Variants in CFDP1 observed in about 807,000 individuals in gnomAD.
CFDP1 encodes heterochromatin-stabilizing protein CFDP1.
A neutral mutation model predicts 40.1 loss-of-function variants in CFDP1; 31 were observed. That is an observed-to-expected ratio of 0.77 (90% confidence interval 0.58 to 1.04). CFDP1 has a LOEUF of 1.04. Ranked by LOEUF, CFDP1 falls within the 50% of genes least tolerant of loss-of-function variation. The pLI is 0.00. For missense variants in CFDP1, 423 were observed against 343.4 expected (o/e 1.23, Z -1.83); for synonymous variants, 167 against 120.0 (o/e 1.39, Z -2.56).
intron 6 of CFDP1, among the ~76,000 whole-genome samples, chr16:75,300,336 G>A (rs977193858): frequency 1.3e-5 from 2 of 152,146 alleles, no homozygotes; most frequent in African/African-American, 2.4e-5. Context: ...TGCCTAGGCT[G>A]GAGTGCAACA....
intron 6 of CFDP1, among the ~76,000 whole-genome samples, chr16:75,295,991 C>A (rs913090766): frequency 6.6e-6 from 1 of 152,188 alleles, no homozygotes; most frequent in Non-Finnish European, 1.5e-5. Flanking sequence ...CCCAGCCCCA[C>A]CAGCCCAAGG....
intron 4 of CFDP1, among the ~76,000 whole-genome samples, chr16:75,408,050 G>A (rs558783046): frequency 6.6e-6 from 1 of 151,758 alleles, no homozygotes; most frequent in African/African-American, 2.4e-5. Flanking sequence ...GCTGTAGTGA[G>A]CTGAGATTGT....
chr16:75,401,301 G>A (rs371344784), intron 4 of CFDP1, among the ~76,000 whole-genome samples: 61 of 152,014 alleles, frequency 4.0e-4, no homozygotes, highest in African/African-American at 1.4e-3. Context: ...GGTGGCGAGC[G>A]CCTGTAGTCC....
At chr16:75,297,964 TC>T (rs2078195856) in intron 6 of CFDP1, among the ~76,000 whole-genome samples, 1 of 152,118 alleles carries the variant, frequency 6.6e-6, no homozygotes. Context: ...AAATCTGAAG[TC>T]CTCCAAAACC....
intron 5 of CFDP1, among the ~76,000 whole-genome samples, chr16:75,305,833 C>T (rs17674257): frequency 0.066 from 10,065 of 152,136 alleles, 361 homozygotes; most frequent in Middle Eastern, 0.12. Context: ...GTGAGTTGGG[C>T]CCTGTTTTTT....
intron 3 of CFDP1, 64 bp from the exon 4 acceptor site, chr16:75,412,016 T>C (rs2079167484): frequency 6.7e-7 from 1 of 1,491,336 alleles, no homozygotes; most frequent in Admixed American, 2.4e-5. Context: ...TACAGATACT[T>C]TTTATTTTTT....
intron 4 of CFDP1, among the ~76,000 whole-genome samples, chr16:75,407,662 A>G (rs986929311): frequency 6.8e-6 from 1 of 147,222 alleles, no homozygotes; most frequent in Non-Finnish European, 1.5e-5. Context: ...CTCAAAAAAA[A>G]AAAAAAAAAA....
intron 5 of CFDP1, among the ~76,000 whole-genome samples, chr16:75,317,681 A>G (rs1216834252): frequency 1.3e-5 from 2 of 152,198 alleles, no homozygotes; most frequent in Non-Finnish European, 2.9e-5. Flanking sequence ...CATAATGACA[A>G]CTTTATGCAG....
chr16:75,421,182 G>A (rs1389599966), intron 1 of CFDP1, among the ~76,000 whole-genome samples: 1 of 152,126 alleles, frequency 6.6e-6, no homozygotes, highest in Non-Finnish European at 1.5e-5. Context: ...TGTGCAACCT[G>A]GGATTCAAAG....
At chr16:75,306,180 C>T (rs1465053259) in intron 5 of CFDP1, among the ~76,000 whole-genome samples, 1 of 152,208 alleles carries the variant, frequency 6.6e-6, no homozygotes, top group Admixed American at 6.5e-5. Context: ...GTCACATGGT[C>T]TACTGATAAT....
chr16:75,320,362 G>A (rs532071454), intron 5 of CFDP1, among the ~76,000 whole-genome samples: 2 of 152,138 alleles, frequency 1.3e-5, no homozygotes, highest in South Asian at 2.1e-4. Flanking sequence ...ATGCTTTAGC[G>A]TTAACTGGCT....
At chr16:75,326,667 G>A (rs1469191356) in intron 5 of CFDP1, among the ~76,000 whole-genome samples, 2 of 152,122 alleles carry the variant, frequency 1.3e-5, no homozygotes, top group Non-Finnish European at 2.9e-5. Flanking sequence ...CGTGGTGCCT[G>A]GTAAGAACGT....
At chr16:75,406,828 C>T (rs1315468268) in intron 4 of CFDP1, 1 of 152,024 alleles carries the variant, frequency 6.6e-6, no homozygotes, top group Non-Finnish European at 1.5e-5. Flanking sequence ...AGTTTGAAAT[C>T]AGCCTGGTCA....
chr16:75,418,703 T>A (rs1209245212), intron 1 of CFDP1, among the ~76,000 whole-genome samples: 1 of 148,248 alleles, frequency 6.7e-6, no homozygotes, highest in Non-Finnish European at 1.5e-5. Flanking sequence ...AAGTTCAAAG[T>A]TGAGACCATT....
chr16:75,398,978 A>G (rs902100121), intron 4 of CFDP1, among the ~76,000 whole-genome samples: 1 of 150,442 alleles, frequency 6.6e-6, no homozygotes, highest in Non-Finnish European at 1.5e-5. Context: ...AATAGTGGGA[A>G]CCCGGGAGGT....
chr16:75,350,239 T>G (rs1460414694), intron 5 of CFDP1, among the ~76,000 whole-genome samples: 1 of 152,214 alleles, frequency 6.6e-6, no homozygotes, highest in Admixed American at 6.5e-5. Flanking sequence ...TATGTTTTCA[T>G]TTTTTGTGGG....
Position 75,349,686 on chromosome 16 carries a change from A to ATAT in CFDP1, c.651-44505_651-44504insATA, listed in dbSNP as rs56373574. On this transcript the variant is annotated intron_variant, in intron 5 of 6. Transcript: ENST00000283882. ...AAAAAAAAAAAAAAAAAAAAAAAAAAAAAAATATATATACATACATATATA... is the reference window on the plus strand; with the variant it reads ...AAAAAAAAAAAAAAAAAAAAAAAAAATATAAAAATATATATACATACATATATA... Among the ~76,000 whole-genome samples the ATAT allele has an allele frequency of 4.5e-4, 4 of 8,896 alleles. 2 individuals carry two copies. Among genetic ancestry groups the ATAT allele is most frequent in the African/African-American group, 7.2e-4 (2 of 2,768 alleles). 5.8% of individuals were successfully genotyped at this position (8,896 alleles called of 152,430 possible).
chr16:75,342,440 T>C (rs2078533348), intron 5 of CFDP1, among the ~76,000 whole-genome samples: 1 of 152,208 alleles, frequency 6.6e-6, no homozygotes, highest in Non-Finnish European at 1.5e-5. Context: ...AAGTAGATTG[T>C]TTTCTTTACC....
At position 75,345,175 on chromosome 16, in the gene CFDP1, G is replaced by A. The variant is rs185966249; in HGVS notation, c.651-39993C>T. Among the ~76,000 whole-genome samples the A allele has an allele frequency of 1.4e-3, 213 of 151,946 alleles. 1 individual carries two copies. The highest frequency in any genetic ancestry group is 2.2e-3 in the Non-Finnish European group (150 of 67,938). On this transcript the variant is annotated intron_variant, in intron 5 of 6. Coordinates refer to ENST00000283882, the MANE Select transcript of CFDP1 (RefSeq NM_006324.3). ...ACCCCATCACTACAAAAATAAAACA[G>A]GCTGGGAGCAGTGGCTCACACCTAT...
Sources: allele counts gnomAD v4.1 joint callset (sites outside exome capture counted in the v4.1 genomes callset), GRCh38; gene constraint gnomAD v4.1.1; transcripts MANE v1.5; gene names NCBI Gene and HGNC (gene_info 2026-07-23, HGNC 2026-07-21).